Variants in EWSR1 observed in about 807,000 individuals in gnomAD.
The protein encoded by EWSR1 is RNA-binding protein EWS.
Under a neutral mutation model 92.1 loss-of-function variants are expected in EWSR1, and 14 were observed. The ratio of observed to expected loss-of-function variants is 0.15; its 90% CI spans 0.10 to 0.24. The LOEUF (loss-of-function observed/expected upper bound fraction) is 0.24. EWSR1 is among the 10% of genes least tolerant of loss of function. The probability of loss-of-function intolerance (pLI) is 1.00; values close to 1 mark genes in which losing one functional copy is unlikely to be tolerated. For missense variants in EWSR1, 637 were observed against 870.9 expected, an observed-to-expected ratio of 0.73 and a Z score of 3.38; for synonymous variants, 303 against 292.9, an observed-to-expected ratio of 1.03 and a Z score of -0.35.
chr22:29,298,050 T>C, intron 13 of EWSR1, 101 bp downstream of exon 13: 1 of 1,304,384 alleles, frequency 7.7e-7, no homozygotes, highest in Non-Finnish European at 1.1e-6. Context: ...AAATTGTGTG[T>C]AGAGTCAATA....
At chr22:29,277,005 C>CA in intron 4 of EWSR1, 1 of 230,886 alleles carries the variant, frequency 4.3e-6, no homozygotes, top group Non-Finnish European at 8.6e-6. Context: ...GTAACACCTC[C>CA]TACAGGAAAG....
At chr22:29,283,180 CATGTAAATAG>C (rs1468119509) in intron 6 of EWSR1, among the ~76,000 whole-genome samples, 5 of 152,192 alleles carry the variant, frequency 3.3e-5, no homozygotes, top group African/African-American at 1.2e-4. Flanking sequence ...TATATGAAAG[CATGTAAATAG>C]ATGTAAGAGC....
In EWSR1 at chr22:29,300,028, C is replaced by T. The variant is rs566648838; in HGVS notation, c.1932-94C>T. On this transcript the variant is annotated intron_variant, in intron 16 of 16. Coordinates refer to ENST00000397938, the MANE Select transcript of EWSR1 (RefSeq NM_005243.4). Reference sequence around the variant, plus strand: ...CTTCCTCACCCCTTCCCATTCTAACCGATTGGGAGGAGCCAGGAAGGGGCA... The same window carrying T: ...CTTCCTCACCCCTTCCCATTCTAACTGATTGGGAGGAGCCAGGAAGGGGCA... 14 of 493,976 alleles carry T rather than the reference C, an allele frequency of 2.8e-5. 5 individuals are homozygous for T. Among genetic ancestry groups the T allele is most frequent in the Admixed American group, 1.5e-4 (3 of 20,100 alleles). The allele number at this position is 493,976 out of a possible 1,614,324, so 30.6% of individuals were successfully genotyped here. A position where few individuals can be genotyped will look rare whatever the true frequency, so the allele number is the denominator to read the frequency against.
Position 29,273,994 on chromosome 22 carries a change from A to T in EWSR1, c.226+130A>T, listed in dbSNP as rs1202922193. Reference sequence around the variant, plus strand: ...ATCTGGGGAATCCTTTATTCTTAGGAAGAGGTATTTTTTCTCTTTCTTCCC... The same window carrying T: ...ATCTGGGGAATCCTTTATTCTTAGGTAGAGGTATTTTTTCTCTTTCTTCCC... On this transcript the variant is annotated intron_variant, in intron 4 of 16. Transcript: ENST00000397938. The T allele has an allele frequency of 1.9e-5, 24 of 1,233,660 alleles. No individual in the cohort carries two copies. In the Admixed American group the frequency reaches 6.3e-4, roughly 32 times the overall value. 76.4% of individuals were successfully genotyped at this position (1,233,660 alleles called of 1,614,324 possible). A position where few individuals can be genotyped will look rare whatever the true frequency, so the allele number is the denominator to read the frequency against.
intron 8 of EWSR1, chr22:29,290,377 C>A: frequency 6.3e-7 from 1 of 1,582,952 alleles, no homozygotes. Context: ...AACGTGGAAA[C>A]TTTTTAACAT....
intron 14 of EWSR1, 159 bp from the exon 15 acceptor site, chr22:29,299,075 C>T (rs2061124840): frequency 2.1e-6 from 3 of 1,441,562 alleles, no homozygotes; most frequent in Non-Finnish European, 2.8e-6. Context: ...ATTGATTTGA[C>T]CTGTCCTGTG....
Position 29,292,474 on chromosome 22 carries a change from G to C in EWSR1, c.1046-14G>C, listed in dbSNP as rs1222512908. 7 of 1,541,694 alleles carry C rather than the reference G, an allele frequency of 4.5e-6. No homozygotes were observed. The African/African-American group carries it at 8.6e-5, about 19-fold the overall frequency. Reference sequence around the variant, plus strand: ...TACATGATAATAATTCTCCTGTCTTGTTGTCTCTGAAAGGCCCACCTGTAG... The same window carrying C: ...TACATGATAATAATTCTCCTGTCTTCTTGTCTCTGAAAGGCCCACCTGTAG... On this transcript the variant is annotated splice_polypyrimidine_tract_variant and intron_variant, in intron 10 of 16. Transcript: ENST00000397938.
chr22:29,292,619 A>G lies in EWSR1; in HGVS notation c.1164+13A>G. ...TGGGGTTGTTAAGGTCAGTAAAAGC[A>G]TAACCAGGTCATCTGGCAGAACTTT... is the stretch of plus-strand genomic sequence containing the variant. On this transcript the variant is annotated intron_variant, in intron 11 of 16. Transcript: ENST00000397938. 1 of 1,527,164 alleles carries G rather than the reference A, an allele frequency of 6.5e-7. No homozygotes were observed. Among genetic ancestry groups the G allele is most frequent in the South Asian group, 1.1e-5 (1 of 88,898 alleles). 94.6% of individuals were successfully genotyped at this position (1,527,164 alleles called of 1,614,324 possible).
chr22:29,298,179 G>A (rs1420810719), intron 13 of EWSR1, among the ~76,000 whole-genome samples: 1 of 152,220 alleles, frequency 6.6e-6, no homozygotes, highest in African/African-American at 2.4e-5. Context: ...AGCTTTGGTT[G>A]TGTCTGTATA....
At chr22:29,287,990 A>T (rs1282593761) in intron 7 of EWSR1, among the ~76,000 whole-genome samples, 1 of 152,226 alleles carries the variant, frequency 6.6e-6, no homozygotes, top group African/African-American at 2.4e-5. Flanking sequence ...CACCCTGGGC[A>T]ACATAGTGAG....
At chr22:29,281,818 C>T (rs2059630084) in intron 5 of EWSR1, among the ~76,000 whole-genome samples, 1 of 151,992 alleles carries the variant, frequency 6.6e-6, no homozygotes, top group Non-Finnish European at 1.5e-5. Context: ...ATCTGCTGAC[C>T]TCGTGATCCG....
chr22:29,287,834 G>T (rs549967914), intron 7 of EWSR1, among the ~76,000 whole-genome samples: 1 of 152,288 alleles, frequency 6.6e-6, no homozygotes, highest in South Asian at 2.1e-4. Context: ...GATTTTGATA[G>T]TCAAGTAAAA....
chr22:29,275,935 G>GTT (rs71322634), intron 4 of EWSR1: 2,980 of 211,648 alleles, frequency 0.014, 7 homozygotes, highest in Middle Eastern at 0.03. Context: ...TTGTTTTTTT[G>GTT]TTTTTTTTTT....
rs765207539 is a variant in EWSR1, at chr22:29,282,392, C to T, written c.416C>T (p.Pro139Leu). 12 of 1,575,954 alleles carry T rather than the reference C, an allele frequency of 7.6e-6. No individual in the cohort carries two copies. The South Asian group carries it at 8.4e-5, about 11-fold the overall frequency. The change falls in exon 6 of 17, where the codon CCG becomes CTG. Residue 139 changes from proline (P) to leucine (L), a missense_variant and splice_region_variant. Pro to Leu is a moderately conservative substitution (Grantham distance 98, BLOSUM62 -3). This residue lies in a region of EWSR1 where 144 missense variants were observed against 189.0 expected (regional missense o/e 0.76). Transcript: ENST00000397938. ...QQPAATAPTR[P>L]QDGNKPTETS... ...TTATTTATTATTTCTCCTCTTAGAC[C>T]GCAGGATGGAAACAAGCCCACTGAG...
At position 29,292,217 on chromosome 22, in the gene EWSR1, T is replaced by C. The variant is rs777148510; in HGVS notation, c.1045+48T>C. The stretch of plus-strand genomic sequence containing the variant: ...CTTCATATCGTGCTTTGTAAATTAA[T>C]GGTACAGAGGTAAATGCATGCGTAG... On this transcript the variant is annotated intron_variant, in intron 10 of 16. Transcript: ENST00000397938. 2.6e-6 allele frequency: 4 copies of C among 1,563,706 alleles called. No individual in the cohort carries two copies. In the African/African-American group the frequency reaches 4.1e-5, roughly 16 times the overall value.
At chr22:29,281,240 C>T (rs191204606) in intron 5 of EWSR1, among the ~76,000 whole-genome samples, 1 of 152,202 alleles carries the variant, frequency 6.6e-6, no homozygotes, top group East Asian at 1.9e-4. Flanking sequence ...GTGTCCAACT[C>T]CTGACATCAT....
At chr22:29,269,271 A>T (rs920635750) in intron 1 of EWSR1, 5 of 152,226 alleles carry the variant, frequency 3.3e-5, no homozygotes, top group Non-Finnish European at 7.3e-5. Context: ...CGCCTGCGTT[A>T]GGCCGGCAGG....
At chr22:29,285,038 C>G (rs1409739990) in intron 6 of EWSR1, among the ~76,000 whole-genome samples, 1 of 150,538 alleles carries the variant, frequency 6.6e-6, no homozygotes, top group African/African-American at 2.5e-5. Context: ...AGGCTAGTCT[C>G]GAACCCCTGA....
chr22:29,296,155 G>A, intron 11 of EWSR1, 84 bp from the exon 12 acceptor site: 1 of 1,390,056 alleles, frequency 7.2e-7, no homozygotes, highest in Non-Finnish European at 9.8e-7. Flanking sequence ...TGAGAAATTG[G>A]TACTTTTCCT....
Sources: allele counts gnomAD v4.1 joint callset (sites outside exome capture counted in the v4.1 genomes callset), GRCh38; gene constraint gnomAD v4.1.1; regional missense constraint gnomAD v4.1.1; transcripts MANE v1.5; gene names NCBI Gene and HGNC (gene_info 2026-07-23, HGNC 2026-07-21).